TTC28: variants seen among roughly 807,000 people sequenced by gnomAD.
TTC28 encodes tetratricopeptide repeat domain 28.
A neutral mutation model predicts 198.0 loss-of-function variants in TTC28; 61 were observed. The observed-to-expected ratio is 0.31, with a 90% CI of 0.25 to 0.38. The LOEUF is 0.38. Among genes scored for constraint, TTC28 ranks in the 10% least tolerant of loss-of-function variants. The probability of loss-of-function intolerance (pLI) is 1.00; values close to 1 mark genes in which losing one functional copy is unlikely to be tolerated. For missense variants in TTC28, 2,678 were observed against 3,164.0 expected (o/e 0.85, Z 3.69); for synonymous variants, 1,171 against 1,297.8 (o/e 0.90, Z 2.10).
chr22:28,011,055 G>A (rs1241523567), intron 14 of TTC28, among the ~76,000 whole-genome samples: 47 of 152,062 alleles, frequency 3.1e-4, no homozygotes, highest in Non-Finnish European at 1.2e-4. Context: ...TGTATCCCTG[G>A]GGGATTATTC....
chr22:28,479,499 C>T (rs1345733707), intron 2 of TTC28, among the ~76,000 whole-genome samples: 1 of 152,094 alleles, frequency 6.6e-6, no homozygotes, highest in Non-Finnish European at 1.5e-5. Flanking sequence ...CAAATCTGAA[C>T]CTTAATATGA....
intron 6 of TTC28, among the ~76,000 whole-genome samples, chr22:28,111,208 A>G (rs1942471258): frequency 6.6e-6 from 1 of 152,100 alleles, no homozygotes; most frequent in Non-Finnish European, 1.5e-5. Context: ...TGGTTTAAAA[A>G]CAGTATTTTT....
chr22:28,097,032 T>C (rs1173547460), intron 10 of TTC28, among the ~76,000 whole-genome samples: 2 of 152,174 alleles, frequency 1.3e-5, no homozygotes, highest in Non-Finnish European at 2.9e-5. Flanking sequence ...CTCAAACTCC[T>C]GGCCTCAAGT....
At chr22:28,440,928 T>C (rs1601401752) in intron 2 of TTC28, among the ~76,000 whole-genome samples, 1 of 152,228 alleles carries the variant, frequency 6.6e-6, no homozygotes, top group Admixed American at 6.5e-5. Flanking sequence ...AATAAGCATA[T>C]GGTATTTGAT....
chr22:28,179,170 T>G lies in TTC28; in HGVS notation c.934-15571A>C, dbSNP rs182208543. Reference sequence around the variant, plus strand: ...GTTTTTTGTTTTTTTGTTTTGTTTTTTTTTTTTTGACAGAGTCTTGCTCTG... The same window carrying G: ...GTTTTTTGTTTTTTTGTTTTGTTTTGTTTTTTTTGACAGAGTCTTGCTCTG... On this transcript the variant is annotated intron_variant, in intron 5 of 22. Coordinates refer to ENST00000397906, the MANE Select transcript of TTC28 (RefSeq NM_001145418.2). 3.7e-3 allele frequency among the ~76,000 whole-genome samples: 566 copies of G among 151,674 alleles called. 1 individual carries two copies. Among genetic ancestry groups the G allele is most frequent in the Non-Finnish European group, 5.2e-3 (355 of 67,846 alleles).
intron 2 of TTC28, among the ~76,000 whole-genome samples, chr22:28,336,375 C>T (rs554046005): frequency 6.6e-6 from 1 of 152,150 alleles, no homozygotes; most frequent in African/African-American, 2.4e-5. Flanking sequence ...GGAGGATTCC[C>T]TCTTTTTCTA....
chr22:28,604,296 A>T lies in TTC28; in HGVS notation c.381+25256T>A, dbSNP rs867084521. Among the ~76,000 whole-genome samples, 146 of 75,058 alleles carry T rather than the reference A, an allele frequency of 1.9e-3. 1 individual carries two copies. In the South Asian group the frequency reaches 0.027, roughly 14 times the overall value. 49.2% of individuals were successfully genotyped at this position (75,058 alleles called of 152,430 possible). On this transcript the variant is annotated intron_variant, in intron 2 of 22. Transcript: ENST00000397906. ...CAGTCTTAAACAGAAAAAAAAAAAA[A>T]TTATATATATATATATATATATATA...
At chr22:27,998,282 C>T in intron 16 of TTC28, 1 of 597,772 alleles carries the variant, frequency 1.7e-6, no homozygotes, top group South Asian at 2.2e-5. Flanking sequence ...CCAGTGTACA[C>T]TGACATCAGG....
At chr22:28,408,547 C>T (rs1299030447) in intron 2 of TTC28, among the ~76,000 whole-genome samples, 1 of 152,166 alleles carries the variant, frequency 6.6e-6, no homozygotes, top group East Asian at 1.9e-4. Context: ...CCTGCCACCA[C>T]ACCCGGCTAA....
intron 2 of TTC28, among the ~76,000 whole-genome samples, chr22:28,508,028 T>C (rs192478691): frequency 6.6e-6 from 1 of 152,272 alleles, no homozygotes; most frequent in East Asian, 1.9e-4. Flanking sequence ...GCTAGCATCA[T>C]GATGCCAGGA....
chr22:28,030,753 T>C (rs1601535835), intron 12 of TTC28, among the ~76,000 whole-genome samples: 1 of 152,256 alleles, frequency 6.6e-6, no homozygotes, highest in East Asian at 1.9e-4. Context: ...CAAGTGCAGC[T>C]GTGAGGCAGT....
At chr22:28,519,303 T>C (rs2048852975) in intron 2 of TTC28, among the ~76,000 whole-genome samples, 1 of 152,216 alleles carries the variant, frequency 6.6e-6, no homozygotes, top group Admixed American at 6.5e-5. Flanking sequence ...TCAATTTTGC[T>C]TTGGTCATTT....
At chr22:28,502,020 G>GT (rs1388709773) in intron 2 of TTC28, among the ~76,000 whole-genome samples, 1 of 152,106 alleles carries the variant, frequency 6.6e-6, no homozygotes, top group Non-Finnish European at 1.5e-5. Context: ...AAAAGCATAT[G>GT]TTTTTTCCAT....
intron 1 of TTC28, among the ~76,000 whole-genome samples, chr22:28,630,582 C>G (rs930571705): frequency 1.3e-5 from 2 of 152,150 alleles, no homozygotes; most frequent in Admixed American, 1.3e-4. Context: ...TCCCAAAATG[C>G]TGGGATTACA....
At chr22:28,376,740 T>C (rs1053398545) in intron 2 of TTC28, among the ~76,000 whole-genome samples, 3 of 152,072 alleles carry the variant, frequency 2.0e-5, no homozygotes, top group Non-Finnish European at 4.4e-5. Flanking sequence ...GAAGCCAAAG[T>C]GCCTAGAGTT....
At chr22:28,497,832 G>A (rs950917975) in intron 2 of TTC28, among the ~76,000 whole-genome samples, 2 of 152,138 alleles carry the variant, frequency 1.3e-5, no homozygotes, top group African/African-American at 4.8e-5. Context: ...TGGGAGGAGT[G>A]AGGAATAGGG....
At chr22:28,269,277 G>A (rs1327352422) in intron 5 of TTC28, among the ~76,000 whole-genome samples, 1 of 152,066 alleles carries the variant, frequency 6.6e-6, no homozygotes, top group Non-Finnish European at 1.5e-5. Context: ...ATTCAAATGC[G>A]ATGTCAAAGG....
chr22:28,428,206 T>G (rs898616760), intron 2 of TTC28, among the ~76,000 whole-genome samples: 2 of 150,050 alleles, frequency 1.3e-5, no homozygotes, highest in Non-Finnish European at 3.0e-5. Flanking sequence ...TGTAGGAAAA[T>G]GCCCATCTAC....
At position 28,205,993 on chromosome 22, in the gene TTC28, CA is replaced by C. The variant is rs578027021; in HGVS notation, c.934-42395del. Among the ~76,000 whole-genome samples the C allele has an allele frequency of 4.6e-3, 588 of 128,878 alleles. 1 individual carries two copies. Among genetic ancestry groups the C allele is most frequent in the Non-Finnish European group, 3.9e-3 (234 of 59,624 alleles). The allele number at this position is 128,878 out of a possible 152,430, so 84.5% of individuals were successfully genotyped here. On this transcript the variant is annotated intron_variant, in intron 5 of 22. Coordinates refer to ENST00000397906, the MANE Select transcript of TTC28 (RefSeq NM_001145418.2). ...AAAACCCTATGTAGCCATGGGGTGT[CA>C]AAAAAAAAAAAAAGGAGACATTATT...
Sources: gnomAD v4.1 joint callset for allele counts (sites outside exome capture counted in the v4.1 genomes callset) on GRCh38, gnomAD v4.1.1 for gene constraint, MANE v1.5 for transcripts, NCBI Gene and HGNC (gene_info 2026-07-23, HGNC 2026-07-21) for gene names.